The following CDK15 variants were observed in gnomAD, a reference collection of about 807,000 sequenced individuals.
CDK15 encodes cyclin dependent kinase 15, also known as cyclin-dependent kinase 15.
A neutral mutation model predicts 60.3 loss-of-function variants in CDK15; 62 were observed. That is an observed-to-expected ratio of 1.03 (90% confidence interval 0.84 to 1.27). CDK15 has a LOEUF of 1.27. Ranked by LOEUF, CDK15 falls within the 50% of genes most tolerant of loss-of-function variation. CDK15 has a pLI of 0.00. For synonymous variants in CDK15, 194 were observed against 195.7 expected, an observed-to-expected ratio of 0.99 and a Z score of 0.07; for missense variants, 541 against 527.8, an observed-to-expected ratio of 1.03 and a Z score of -0.25.
rs147359415 is a variant in CDK15 at position 201,865,072 on chromosome 2, A to G, written c.1010-7206A>G. Among the ~76,000 whole-genome samples the G allele has an allele frequency of 5.7e-3, 862 of 152,122 alleles. 5 individuals are homozygous for G. Among genetic ancestry groups the G allele is most frequent in the Middle Eastern group, 0.017 (5 of 294 alleles). On this transcript the variant is annotated intron_variant, in intron 10 of 13. Coordinates refer to ENST00000652192, the MANE Select transcript of CDK15 (RefSeq NM_001366386.2). ...AGGAGCTAAAGGAGACTAGTAGGTA[A>G]TCCTAGCAATACCATGGAAATCATA... is the stretch of plus-strand genomic sequence containing the variant.
intron 10 of CDK15, among the ~76,000 whole-genome samples, chr2:201,863,462 C>T (rs932264675): frequency 3.3e-5 from 5 of 152,050 alleles, no homozygotes; most frequent in Non-Finnish European, 7.4e-5. Flanking sequence ...ATAAAAGAGG[C>T]CTGCCTCAAG....
At chr2:201,844,860 G>T (rs1234652336) in intron 8 of CDK15, among the ~76,000 whole-genome samples, 1 of 151,698 alleles carries the variant, frequency 6.6e-6, no homozygotes, top group Non-Finnish European at 1.5e-5. Context: ...TTAAAAATCA[G>T]CAATAAGGCC....
Position 201,894,989 on chromosome 2 carries a change from T to G in CDK15, c.*1722T>G, listed in dbSNP as rs1223445046. ...TGGCACTTTTAAGTACAATATGAAT[T>G]AATAGTATAATTTCGCTGTCCCCCA... On this transcript the variant is annotated 3_prime_UTR_variant, in exon 14 of 14. Transcript: ENST00000652192. 1 of 152,198 alleles carries G rather than the reference T, an allele frequency of 6.6e-6. No homozygotes were observed. The highest frequency in any genetic ancestry group is 1.5e-5 in the Non-Finnish European group (1 of 68,046). The allele number at this position is 152,198 out of a possible 1,614,324, so 9.4% of individuals were successfully genotyped here. A position where few individuals can be genotyped will look rare whatever the true frequency, so the allele number is the denominator to read the frequency against.
At chr2:201,892,394 A>G (rs998342109) in intron 13 of CDK15, among the ~76,000 whole-genome samples, 1 of 152,092 alleles carries the variant, frequency 6.6e-6, no homozygotes, top group Non-Finnish European at 1.5e-5. Context: ...TATTATTTCT[A>G]TTGTTGTTAT....
chr2:201,883,034 G>A (rs1235756919), intron 12 of CDK15, among the ~76,000 whole-genome samples: 5 of 152,180 alleles, frequency 3.3e-5, no homozygotes, highest in Admixed American at 2.6e-4. Context: ...GGCTGCCCCA[G>A]GCATGAGAAT....
chr2:201,848,407 C>T (rs115370581), intron 9 of CDK15, among the ~76,000 whole-genome samples: 214 of 151,948 alleles, frequency 1.4e-3, no homozygotes, highest in African/African-American at 4.9e-3. Context: ...CAAAATTTAC[C>T]GTCTTAACCC....
rs746087465 is a variant in CDK15, at chr2:201,833,955, C to G, written c.714C>G (p.Leu238=). 6.2e-7 allele frequency: 1 copy of G among 1,613,734 alleles called. No homozygotes were observed. The highest frequency in any genetic ancestry group is 8.5e-7 in the Non-Finnish European group (1 of 1,179,862). The change falls in exon 7 of 14, where the codon CTC becomes CTG. Residue 238 remains leucine, a synonymous_variant. Coordinates refer to ENST00000652192, the MANE Select transcript of CDK15 (RefSeq NM_001366386.2). The part of the protein sequence containing the change: ...QNLLISHLGE[L]KLADFGLARA... ...TACTCATCAGTCACCTGGGAGAGCT[C>G]AAACTGGCTGATTTTGGTAAGTCGC...
At chr2:201,812,173 CAA>C (rs56808760) in intron 3 of CDK15, among the ~76,000 whole-genome samples, 4,089 of 96,500 alleles carry the variant, frequency 0.042, 63 homozygotes, top group East Asian at 0.077. Context: ...GATTCTGTCT[CAA>C]AAAAAAAAAA....
chr2:201,811,360 C>T (rs1282540376), intron 3 of CDK15, among the ~76,000 whole-genome samples: 1 of 152,016 alleles, frequency 6.6e-6, no homozygotes, highest in African/African-American at 2.4e-5. Flanking sequence ...CTGTGTTAGG[C>T]AGGATGGTCT....
In CDK15 at chr2:201,832,669, T is replaced by G. The variant is rs1419325229; in HGVS notation, c.607-1179T>G. Among the ~76,000 whole-genome samples the G allele has an allele frequency of 2.0e-5, 3 of 152,252 alleles. No individual in the cohort carries two copies. The East Asian group carries it at 5.8e-4, about 29-fold the overall frequency. ...CCTGATGTGGTAGCTACATGAAACC[T>G]GCATAGCTGCAGGTATGCTATGGTA... is the stretch of plus-strand genomic sequence containing the variant. On this transcript the variant is annotated intron_variant, in intron 6 of 13. Transcript: ENST00000652192.
At chr2:201,890,052 AAAAG>A (rs1247109791) in intron 12 of CDK15, among the ~76,000 whole-genome samples, 10 of 148,272 alleles carry the variant, frequency 6.7e-5, no homozygotes, top group African/African-American at 2.3e-4. Flanking sequence ...CAGTCTCAAA[AAAAG>A]AAAAAAAAAA....
chr2:201,888,783 G>C (rs1699547670), intron 12 of CDK15: 5 of 1,159,454 alleles, frequency 4.3e-6, no homozygotes, highest in Non-Finnish European at 5.3e-6. Context: ...GAAGCCGGAG[G>C]GAAATCCCAG....
intron 12 of CDK15, among the ~76,000 whole-genome samples, chr2:201,886,739 T>G (rs1699463317): frequency 6.6e-6 from 1 of 152,142 alleles, no homozygotes; most frequent in Non-Finnish European, 1.5e-5. Context: ...AAAATAGCAA[T>G]TTATGCAAGA....
In CDK15 at chr2:201,894,113, A is replaced by ACACACACACACACACACACC. The variant is rs1491380631; in HGVS notation, c.*847_*848insACACACACACACACACACCC. ...CACACACACACACACACACACACAC[A>ACACACACACACACACACACC]CCCCTCAAGTAAAATGAGAGATCTG... On this transcript the variant is annotated 3_prime_UTR_variant, in exon 14 of 14. Transcript: ENST00000652192. The ACACACACACACACACACACC allele has an allele frequency of 2.3e-5, 3 of 128,656 alleles. No homozygotes were observed. The highest frequency in any genetic ancestry group is 8.4e-5 in the African/African-American group (3 of 35,864). 8.0% of individuals were successfully genotyped at this position (128,656 alleles called of 1,614,324 possible).
At chr2:201,886,917 G>A (rs1699469938) in intron 12 of CDK15, among the ~76,000 whole-genome samples, 1 of 152,112 alleles carries the variant, frequency 6.6e-6, no homozygotes, top group Non-Finnish European at 1.5e-5. Flanking sequence ...TGAAACTTTT[G>A]CAAAGTGTTA....
intron 4 of CDK15, among the ~76,000 whole-genome samples, chr2:201,815,576 GA>G (rs2106158903): frequency 6.6e-6 from 1 of 152,314 alleles, no homozygotes; most frequent in East Asian, 1.9e-4. Context: ...CAACTAGGAG[GA>G]AATACTTTCA....
chr2:201,881,273 G>A (rs181555936), intron 12 of CDK15, among the ~76,000 whole-genome samples: 2 of 152,180 alleles, frequency 1.3e-5, no homozygotes, highest in Non-Finnish European at 2.9e-5. Context: ...TGACTAAAGT[G>A]AGTCATTTAG....
intron 10 of CDK15, among the ~76,000 whole-genome samples, chr2:201,855,664 G>A (rs1390126461): frequency 6.6e-6 from 1 of 152,130 alleles, no homozygotes; most frequent in African/African-American, 2.4e-5. Flanking sequence ...TAAAGCCCAT[G>A]CCAAAGCTGA....
chr2:201,843,759 C>A (rs756831427), intron 8 of CDK15, among the ~76,000 whole-genome samples: 3 of 152,092 alleles, frequency 2.0e-5, no homozygotes, highest in African/African-American at 2.4e-5. Flanking sequence ...CCATATAAAC[C>A]AAATATTGGC....
Sources: allele counts gnomAD v4.1 joint callset (sites outside exome capture counted in the v4.1 genomes callset), GRCh38; gene constraint gnomAD v4.1.1; transcripts MANE v1.5; gene names NCBI Gene and HGNC (gene_info 2026-07-23, HGNC 2026-07-21).